The following RAE1 variants were observed in gnomAD, a reference collection of about 807,000 sequenced individuals.
RAE1 encodes mRNA export factor RAE1.
A neutral mutation model predicts 52.7 loss-of-function variants in RAE1; 13 were observed. The observed-to-expected ratio is 0.25, with a 90% confidence interval of 0.16 to 0.39. The LOEUF is 0.39. RAE1 is among the 10% of genes least tolerant of loss of function. The pLI, the probability that RAE1 is intolerant of heterozygous loss-of-function variation, is 1.00. For synonymous variants in RAE1, 164 were observed against 153.1 expected (o/e 1.07, Z -0.52); for missense variants, 262 against 459.8 (o/e 0.57, Z 3.93).
At chr20:57,366,036 T>C (rs986986654) in intron 5 of RAE1, among the ~76,000 whole-genome samples, 1 of 152,166 alleles carries the variant, frequency 6.6e-6, no homozygotes, top group Admixed American at 6.5e-5. Flanking sequence ...AGGAAGGCAC[T>C]GCATACTCAG....
rs2066749931 is a variant in RAE1, at chr20:57,354,106, C to T, written c.68C>T (p.Thr23Ile). The T allele has an allele frequency of 8.1e-6, 13 of 1,613,958 alleles. No individual in the cohort carries two copies. The highest frequency in any genetic ancestry group is 1.1e-5 in the Non-Finnish European group (13 of 1,179,938). Reference sequence around the variant, plus strand: ...ACCAGCATGTTTGGCAGTGCAACTACAGACAATCACAATCCCATGAAGGTA... The same window carrying T: ...ACCAGCATGTTTGGCAGTGCAACTATAGACAATCACAATCCCATGAAGGTA... ...SGTSMFGSAT[T>I]DNHNPMKDIE... The change falls in exon 2 of 12, where the codon ACA becomes ATA. Residue 23 changes from threonine to isoleucine, a missense_variant. By Grantham distance (89) the Thr-to-Ile change is moderately conservative. Transcript: ENST00000395841.
intron 11 of RAE1, among the ~76,000 whole-genome samples, chr20:57,376,329 T>C (rs1030951083): frequency 6.6e-6 from 1 of 152,248 alleles, no homozygotes; most frequent in Non-Finnish European, 1.5e-5. Context: ...CATCTGTAAA[T>C]ACCCATGAAA....
At position 57,351,410 on chromosome 20, in the gene RAE1, G is replaced by T; in HGVS notation, c.-20G>T. The T allele has an allele frequency of 1.0e-6, 1 of 985,502 alleles. No homozygotes were observed. Among genetic ancestry groups the T allele is most frequent in the Non-Finnish European group, 1.2e-6 (1 of 829,996 alleles). 61.0% of individuals were successfully genotyped at this position (985,502 alleles called of 1,614,324 possible). A position where few individuals can be genotyped will look rare whatever the true frequency, so the allele number is the denominator to read the frequency against. On this transcript the variant is annotated 5_prime_UTR_variant, in exon 1 of 12. Transcript: ENST00000395841. ...CTCCCGGCCGCCGCTTTCCGCCGGG[G>T]CGAGACCCCCAGGTAGGCCCCGTGC... is the stretch of plus-strand genomic sequence containing the variant.
At chr20:57,374,900 AC>A (rs779576016) in intron 11 of RAE1, 99 bp downstream of exon 11, 44 of 1,361,008 alleles carry the variant, frequency 3.2e-5, no homozygotes, top group Non-Finnish European at 4.5e-5. Context: ...CTCAGGACTC[AC>A]GTGTGTCCTT....
Position 57,374,810 on chromosome 20 carries a change from T to G in RAE1, c.1020+9T>G. 6.2e-7 allele frequency: 1 copy of G among 1,614,152 alleles called. No homozygotes were observed. Among genetic ancestry groups the G allele is most frequent in the Non-Finnish European group, 8.5e-7 (1 of 1,180,016 alleles). The stretch of plus-strand genomic sequence containing the variant: ...GCTACGACTGGTCAAAGGTGAGAAC[T>G]CCCGGGCCTGCTCTGGGTGCTCCAA... On this transcript the variant is annotated intron_variant, in intron 11 of 11. Coordinates refer to ENST00000395841, the MANE Select transcript of RAE1 (RefSeq NM_003610.4).
At position 57,354,116 on chromosome 20, in the gene RAE1, C is replaced by T. The variant is rs1349147538; in HGVS notation, c.78C>T (p.His26=). The T allele has an allele frequency of 1.9e-6, 3 of 1,613,758 alleles. No individual in the cohort carries two copies. Among genetic ancestry groups the T allele is most frequent in the Non-Finnish European group, 2.5e-6 (3 of 1,179,810 alleles). Reference sequence around the variant, plus strand: ...TTGGCAGTGCAACTACAGACAATCACAATCCCATGAAGGTACCACGAAAAG... The same window carrying T: ...TTGGCAGTGCAACTACAGACAATCATAATCCCATGAAGGTACCACGAAAAG... The part of the protein sequence containing the change: ...SMFGSATTDN[H]NPMKDIEVTS... The change falls in exon 2 of 12, where the codon CAC becomes CAT. Residue 26 remains histidine (H), a synonymous_variant. Coordinates refer to ENST00000395841, the MANE Select transcript of RAE1 (RefSeq NM_003610.4).
chr20:57,373,189 A>T (rs527337752), intron 8 of RAE1: 1 of 405,626 alleles, frequency 2.5e-6, no homozygotes, highest in African/African-American at 2.1e-5. Context: ...TCTGCCTCGC[A>T]GCCCATGGGG....
At chr20:57,374,933 C>G (rs1182968801) in intron 11 of RAE1, 132 bp downstream of exon 11, 10 of 984,872 alleles carry the variant, frequency 1.0e-5, no homozygotes, top group Admixed American at 3.8e-5. Context: ...CGTCCCCTCC[C>G]TGTAAGGGGA....
At chr20:57,360,918 C>T (rs999326905) in intron 4 of RAE1, among the ~76,000 whole-genome samples, 2 of 152,068 alleles carry the variant, frequency 1.3e-5, no homozygotes, top group Non-Finnish European at 2.9e-5. Context: ...AGGACATTTT[C>T]ACTGGGGTAG....
chr20:57,365,192 T>C (rs2066937777), intron 4 of RAE1, among the ~76,000 whole-genome samples, 164 bp from the exon 5 acceptor site: 1 of 152,214 alleles, frequency 6.6e-6, no homozygotes, highest in African/African-American at 2.4e-5. Context: ...TGAAAATGAA[T>C]TTTTTGTATG....
chr20:57,354,324 G>A (rs974564900), intron 2 of RAE1, among the ~76,000 whole-genome samples, 196 bp downstream of exon 2: 3 of 152,206 alleles, frequency 2.0e-5, no homozygotes, highest in Admixed American at 2.0e-4. Context: ...GGCCTGCCAG[G>A]TCTCCAGAAT....
rs41304651 is a variant in RAE1 at position 57,354,025 on chromosome 20, T to C, written c.-7-7T>C. On this transcript the variant is annotated splice_polypyrimidine_tract_variant and splice_region_variant and intron_variant, in intron 1 of 11. Coordinates refer to ENST00000395841, the MANE Select transcript of RAE1 (RefSeq NM_003610.4). ...ACCCATCCTTAACATTTTTCATTAC[T>C]TTTTAGGTTCAAAATGAGCCTGTTT... is the stretch of plus-strand genomic sequence containing the variant. 434 of 1,610,750 alleles carry C rather than the reference T, an allele frequency of 2.7e-4. 1 individual carries two copies. Among genetic ancestry groups the C allele is most frequent in the Non-Finnish European group, 3.5e-4 (411 of 1,177,776 alleles).
Position 57,351,425 on chromosome 20 carries a change from AG to A in RAE1, c.-8+5del. 2.0e-6 allele frequency: 2 copies of A among 985,470 alleles called. No homozygotes were observed. Among genetic ancestry groups the A allele is most frequent in the South Asian group, 9.4e-5 (2 of 21,290 alleles). The allele number at this position is 985,470 out of a possible 1,614,324, so 61.0% of individuals were successfully genotyped here. ...TTCCGCCGGGGCGAGACCCCCAGGT[AG>A]GCCCCGTGCCGCGCGCGTCCCGTCG... On this transcript the variant is annotated splice_donor_region_variant and intron_variant, in intron 1 of 11. Coordinates refer to ENST00000395841, the MANE Select transcript of RAE1 (RefSeq NM_003610.4).
chr20:57,373,383 C>A, intron 8 of RAE1, 92 bp from the exon 9 acceptor site: 2 of 1,285,844 alleles, frequency 1.6e-6, no homozygotes, highest in Admixed American at 2.0e-5. Context: ...TCTTCTAAAA[C>A]CTAAACATGG....
chr20:57,374,311 C>G (rs953484405), intron 10 of RAE1, among the ~76,000 whole-genome samples: 1 of 152,234 alleles, frequency 6.6e-6, no homozygotes, highest in Admixed American at 6.5e-5. Context: ...ACCCACAGCT[C>G]AGACTGAGAA....
intron 1 of RAE1, among the ~76,000 whole-genome samples, chr20:57,352,654 A>G (rs555223712): frequency 1.3e-5 from 2 of 152,340 alleles, no homozygotes; most frequent in African/African-American, 4.8e-5. Flanking sequence ...AGGTTGAGGT[A>G]GAGGAATAGA....
intron 4 of RAE1, among the ~76,000 whole-genome samples, chr20:57,361,641 A>G (rs538395609): frequency 3.9e-5 from 6 of 152,330 alleles, no homozygotes; most frequent in African/African-American, 9.6e-5. Context: ...AATATTCAGT[A>G]TAAGTTCAGC....
chr20:57,355,519 A>C (rs1321596232), intron 3 of RAE1, among the ~76,000 whole-genome samples: 1 of 152,224 alleles, frequency 6.6e-6, no homozygotes, highest in African/African-American at 2.4e-5. Context: ...GTTATCAAAA[A>C]TCCTTCAGCT....
intron 4 of RAE1, chr20:57,358,532 C>T (rs2066833746): frequency 6.5e-6 from 1 of 153,204 alleles, no homozygotes; most frequent in Admixed American, 6.5e-5. Context: ...ATGAAGTGGG[C>T]CCTATTTCTC....
Sources: allele counts gnomAD v4.1 joint callset (sites outside exome capture counted in the v4.1 genomes callset), GRCh38; gene constraint gnomAD v4.1.1; transcripts MANE v1.5; gene names NCBI Gene and HGNC (gene_info 2026-07-23, HGNC 2026-07-21).